PKN3: variants seen among roughly 807,000 people sequenced by gnomAD.
The protein encoded by PKN3 is serine/threonine-protein kinase N3.
Under a neutral mutation model 113.1 loss-of-function variants are expected in PKN3, and 91 were observed. The ratio of observed to expected loss-of-function variants is 0.80; its 90% CI spans 0.68 to 0.96. PKN3 has a LOEUF of 0.96. Ranked by LOEUF, PKN3 falls within the 40% of genes least tolerant of loss-of-function variation. PKN3 has a pLI of 0.00. For synonymous variants in PKN3, 467 were observed against 499.0 expected (o/e 0.94, Z 0.85); for missense variants, 1,052 against 1,202.2 (o/e 0.88, Z 1.85).
chr9:128,709,374 C>A (rs1321764597), intron 6 of PKN3, among the ~76,000 whole-genome samples: 7 of 151,272 alleles, frequency 4.6e-5, no homozygotes, highest in Non-Finnish European at 8.8e-5. Context: ...GGGAGGATTG[C>A]TTGAGCCCAG....
At chr9:128,718,464 G>T in intron 17 of PKN3, 77 bp downstream of exon 17, 2 of 1,580,838 alleles carry the variant, frequency 1.3e-6, no homozygotes. Flanking sequence ...TGCTGCCTCC[G>T]CCTGCCTGGG....
Position 128,705,502 on chromosome 9 carries a change from A to C in PKN3, c.224A>C (p.His75Pro). ...CTGCATGGCGAGCTGCGGGAGCTGC[A>C]CGCCCGAATCCTGCTGCCCGGCCCT... The part of the protein sequence containing the change: ...EQLHGELREL[H>P]ARILLPGPGP... Residue 75 changes from histidine to proline, a missense_variant, in exon 2 of 22, where the codon CAC becomes CCC. This residue lies in a region of PKN3 where 719 missense variants were observed against 759.4 expected (regional missense o/e 0.95). Transcript: ENST00000291906. The C allele has an allele frequency of 6.4e-7, 1 of 1,559,288 alleles. No individual in the cohort carries two copies. The highest frequency in any genetic ancestry group is 8.7e-7 in the Non-Finnish European group (1 of 1,152,496).
chr9:128,718,457 T>A, intron 17 of PKN3, 70 bp downstream of exon 17: 12 of 1,574,372 alleles, frequency 7.6e-6, no homozygotes. Context: ...GGACAGATGC[T>A]GCCTCCGCCT....
chr9:128,713,193 T>G lies in PKN3; in HGVS notation c.977T>G (p.Leu326Arg), dbSNP rs1440076307. ...AAGCACCAGCGTGGCCGAGGCGAGC[T>G]TGCCAGTGAGTAGGGAAGGAGCTTC... is the stretch of plus-strand genomic sequence containing the variant. ...KAKHQRGRGE[L>R]ASEVLAVLKV... The change falls in exon 7 of 22, where the codon CTT (leucine) becomes CGT (arginine). Residue 326 changes from leucine to arginine, a missense_variant. By Grantham distance (102) the Leu-to-Arg change is moderately radical. Transcript: ENST00000291906. 1 of 1,606,990 alleles carries G rather than the reference T, an allele frequency of 6.2e-7. No homozygotes were observed. Among genetic ancestry groups the G allele is most frequent in the Non-Finnish European group, 8.5e-7 (1 of 1,174,862 alleles).
chr9:128,719,863 TG>T, intron 19 of PKN3, 35 bp downstream of exon 19: 1 of 670,728 alleles, frequency 1.5e-6, no homozygotes, highest in Non-Finnish European at 2.4e-6. Flanking sequence ...GGCCTCTGGG[TG>T]GGGGTGGGGT....
rs756219008 is a variant in PKN3 at position 128,718,350 on chromosome 9, G to C, written c.2011G>C (p.Gly671Arg). ...CTTCTACGTGGCTTGTGTTGTCCTG[G>C]GGCTGCAGTTCTTACACGAGAAGAA... ...ARFYVACVVL[G>R]LQFLHEKKII... The change falls in exon 17 of 22, where the codon GGG (glycine) becomes CGG (arginine). Residue 671 changes from glycine to arginine, a missense_variant. Gly to Arg is a moderately radical substitution (Grantham distance 125). Around this residue, in one of 2 missense-constraint regions of PKN3, gnomAD observed 333 missense variants for 442.8 expected, o/e 0.75. Coordinates refer to ENST00000291906, the MANE Select transcript of PKN3 (RefSeq NM_013355.5). 1 of 1,613,808 alleles carries C rather than the reference G, an allele frequency of 6.2e-7. No individual in the cohort carries two copies. Among genetic ancestry groups the C allele is most frequent in the Non-Finnish European group, 8.5e-7 (1 of 1,179,990 alleles).
Position 128,720,441 on chromosome 9 carries a change from C to G in PKN3, c.2505C>G (p.Phe835Leu). The change falls in exon 22 of 22, where the codon TTC (phenylalanine) becomes TTG (leucine). Residue 835 changes from phenylalanine to leucine, a missense_variant. Physicochemically the swap from Phe to Leu is conservative, Grantham distance 22 (BLOSUM62 0). Around this residue, in one of 2 missense-constraint regions of PKN3, gnomAD observed 333 missense variants for 442.8 expected, o/e 0.75. Coordinates refer to ENST00000291906, the MANE Select transcript of PKN3 (RefSeq NM_013355.5). The surrounding 1 kb of genome is among the most constrained non-coding windows in gnomAD (Gnocchi z 5.5). ...ALLARTIQPP[F>L]VPTLCGPADL... The stretch of plus-strand genomic sequence containing the variant: ...TCGCCCGCACCATCCAGCCCCCCTT[C>G]GTGCCTACCCTGTGTGGCCCTGCGG... 6.2e-7 allele frequency: 1 copy of G among 1,613,232 alleles called. No individual in the cohort carries two copies. The highest frequency in any genetic ancestry group is 8.5e-7 in the Non-Finnish European group (1 of 1,180,000).
rs774759313 is a variant in PKN3 at position 128,713,353 on chromosome 9, C to G, written c.1058C>G (p.Ser353Cys). Residue 353 changes from serine to cysteine, a missense_variant, in exon 8 of 22, where the codon TCC becomes TGC. By Grantham distance (112) the Ser-to-Cys change is moderately radical. This residue lies in a region of PKN3 where 719 missense variants were observed against 759.4 expected (regional missense o/e 0.95). Transcript: ENST00000291906. Reference protein sequence around the residue: ...QTGWGQVAEQSWDQTFVIPLE... With the variant: ...QTGWGQVAEQCWDQTFVIPLE... ...GGCTGGGGGCAGGTGGCCGAACAGTCCTGGGACCAGACCTTTGTCATCCCA... is the reference window on the plus strand; with the variant it reads ...GGCTGGGGGCAGGTGGCCGAACAGTGCTGGGACCAGACCTTTGTCATCCCA... 1.7e-5 allele frequency: 28 copies of G among 1,613,954 alleles called. No individual in the cohort carries two copies. The highest frequency in any genetic ancestry group is 2.1e-5 in the Non-Finnish European group (25 of 1,180,016).
intron 16 of PKN3, among the ~76,000 whole-genome samples, chr9:128,717,589 A>G (rs1019630748): frequency 1.3e-5 from 2 of 151,496 alleles, no homozygotes; most frequent in Non-Finnish European, 2.9e-5. Flanking sequence ...TTAGCTAGGC[A>G]TGGTGGCACA....
At chr9:128,711,408 G>A (rs1055659169) in intron 6 of PKN3, among the ~76,000 whole-genome samples, 3 of 151,250 alleles carry the variant, frequency 2.0e-5, no homozygotes, top group Non-Finnish European at 4.4e-5. Flanking sequence ...CCGGGTTCAC[G>A]CCATTCTTCT....
Position 128,718,552 on chromosome 9 carries a change from C to A in PKN3, c.2052C>A (p.Asp684Glu), listed in dbSNP as rs1432822771. Residue 684 changes from aspartate to glutamate, a missense_variant, in exon 18 of 22, where the codon GAC (aspartate) becomes GAA (glutamate). Physicochemically the swap from Asp to Glu is conservative, Grantham distance 45. Coordinates refer to ENST00000291906, the MANE Select transcript of PKN3 (RefSeq NM_013355.5). ...FLHEKKIIYRDLKLDNLLLDA... is the reference protein window; with the variant it reads ...FLHEKKIIYRELKLDNLLLDA... ...TGATCTGCACCCTTGCCCTCAGGGA[C>A]CTGAAGTTGGATAACCTTCTGCTGG... The A allele has an allele frequency of 6.2e-7, 1 of 1,614,014 alleles. No homozygotes were observed. The highest frequency in any genetic ancestry group is 1.7e-5 in the Admixed American group (1 of 60,010).
rs537515501 is a variant in PKN3 at position 128,715,714 on chromosome 9, T to C, written c.1808+254T>C. 1.4e-4 allele frequency among the ~76,000 whole-genome samples: 22 copies of C among 152,264 alleles called. No homozygotes were observed. Among genetic ancestry groups the C allele is most frequent in the African/African-American group, 5.3e-4 (22 of 41,544 alleles). ...GAGCTCCTTGTGAGCCCCTGACATATAGAAACCATCACTCTATGGCCAGGC... is the reference window on the plus strand; with the variant it reads ...GAGCTCCTTGTGAGCCCCTGACATACAGAAACCATCACTCTATGGCCAGGC... On this transcript the variant is annotated intron_variant, in intron 15 of 21. Coordinates refer to ENST00000291906, the MANE Select transcript of PKN3 (RefSeq NM_013355.5). This position sits in a 1 kb window ranked among gnomAD's most constrained non-coding sequence, Gnocchi z 4.1.
At position 128,715,455 on chromosome 9, in the gene PKN3, A is replaced by G. The variant is rs1862312236; in HGVS notation, c.1803A>G (p.Ile601Met). The change falls in exon 15 of 22, where the codon ATA becomes ATG. Residue 601 changes from isoleucine to methionine, a missense_variant. By Grantham distance (10) the Ile-to-Met change is conservative. Coordinates refer to ENST00000291906, the MANE Select transcript of PKN3 (RefSeq NM_013355.5). This position sits in a 1 kb window ranked among gnomAD's most constrained non-coding sequence, Gnocchi z 4.1. ...AGGAGGTGCTCAGCCGGGACGAGAT[A>G]GAGAGGTGTGTGGGGGTGCCGCAGG... Reference protein sequence around the residue: ...KKQEVLSRDEIESLYCEKRIL... With the variant: ...KKQEVLSRDEMESLYCEKRIL... The G allele has an allele frequency of 3.1e-6, 5 of 1,613,288 alleles. No individual in the cohort carries two copies. Among genetic ancestry groups the G allele is most frequent in the South Asian group, 1.1e-5 (1 of 91,054 alleles).
Position 128,715,572 on chromosome 9 carries a change from C to T in PKN3, c.1808+112C>T, listed in dbSNP as rs1444832824. On this transcript the variant is annotated intron_variant, in intron 15 of 21. Coordinates refer to ENST00000291906, the MANE Select transcript of PKN3 (RefSeq NM_013355.5). The surrounding 1 kb of genome is among the most constrained non-coding windows in gnomAD (Gnocchi z 4.1). ...GAGGTGACCCCGTGGGGCCAGCCAG[C>T]CTGCATTCTCTTTTGGCACCTGCAG... The T allele has an allele frequency of 1.4e-6, 1 of 713,204 alleles. No homozygotes were observed. The highest frequency in any genetic ancestry group is 2.4e-6 in the Non-Finnish European group (1 of 413,978). The allele number at this position is 713,204 out of a possible 1,614,324, so 44.2% of individuals were successfully genotyped here. A position where few individuals can be genotyped will look rare whatever the true frequency, so the allele number is the denominator to read the frequency against.
At chr9:128,718,785 C>T (rs184174900) in intron 18 of PKN3, among the ~76,000 whole-genome samples, 160 bp downstream of exon 18, 4 of 152,288 alleles carry the variant, frequency 2.6e-5, no homozygotes, top group East Asian at 1.9e-4. Context: ...GGCACACTGG[C>T]CCTTTCTTCC....
chr9:128,702,673 T>G lies in PKN3; in HGVS notation c.-243T>G. On this transcript the variant is annotated 5_prime_UTR_variant, in exon 1 of 22. Coordinates refer to ENST00000291906, the MANE Select transcript of PKN3 (RefSeq NM_013355.5). ...GTACTGGGCCCAGAATCCCGCGGAA[T>G]TTTGGATCCGAGGGAGGCGCTGGGG... is the stretch of plus-strand genomic sequence containing the variant. 8.6e-5 allele frequency: 37 copies of G among 430,844 alleles called. No homozygotes were observed. Among genetic ancestry groups the G allele is most frequent in the East Asian group, 1.6e-4 (4 of 24,580 alleles). 26.7% of individuals were successfully genotyped at this position (430,844 alleles called of 1,614,324 possible).
rs1446821843 is a variant in PKN3 at position 128,718,373 on chromosome 9, GA to G, written c.2036del (p.Lys679ArgfsTer7). On this transcript the variant is annotated frameshift_variant, in exon 17 of 22. Transcript: ENST00000291906. LOFTEE classifies it high-confidence loss of function. ...TGGGGCTGCAGTTCTTACACGAGAAGAAGATCATTTACAGGTGACTTTTGTC... is the reference window on the plus strand; with the variant it reads ...TGGGGCTGCAGTTCTTACACGAGAAGAGATCATTTACAGGTGACTTTTGTC... ...VLGLQFLHEK[K>X]IIYRDLKLDN... 1.9e-6 allele frequency: 3 copies of G among 1,549,336 alleles called. No individual in the cohort carries two copies. In the Admixed American group the frequency reaches 5.2e-5, roughly 27 times the overall value.
At chr9:128,719,391 A>G (rs1268415803) in intron 18 of PKN3, among the ~76,000 whole-genome samples, 5 of 145,926 alleles carry the variant, frequency 3.4e-5, no homozygotes, top group African/African-American at 7.6e-5. Context: ...GGGTTTCACC[A>G]TGTTGGCCAG....
At chr9:128,706,223 G>A (rs1353143612) in intron 3 of PKN3, among the ~76,000 whole-genome samples, 3 of 152,174 alleles carry the variant, frequency 2.0e-5, no homozygotes, top group Non-Finnish European at 4.4e-5. Flanking sequence ...GGGAGGCTTA[G>A]CTTAGCCCCT....
Sources: allele counts gnomAD v4.1 joint callset (sites outside exome capture counted in the v4.1 genomes callset), GRCh38; gene constraint gnomAD v4.1.1; regional missense constraint gnomAD v4.1.1; non-coding constraint Gnocchi (gnomAD v3.1); transcripts MANE v1.5; gene names NCBI Gene and HGNC (gene_info 2026-07-23, HGNC 2026-07-21).